PTPRD: variants seen among roughly 807,000 people sequenced by gnomAD.
PTPRD encodes the protein receptor-type tyrosine-protein phosphatase delta.
Under a neutral mutation model 214.5 loss-of-function variants are expected in PTPRD, and 34 were observed. That is an observed-to-expected ratio of 0.16 (90% CI 0.12 to 0.21). PTPRD has a LOEUF of 0.21. PTPRD is among the 10% of genes least tolerant of loss of function. The probability of loss-of-function intolerance (pLI) is 1.00; values close to 1 mark genes in which losing one functional copy is unlikely to be tolerated. For missense variants in PTPRD, 2,545 were observed against 2,398.7 expected, an observed-to-expected ratio of 1.06 and a Z score of -1.27; for synonymous variants, 1,128 against 845.7, an observed-to-expected ratio of 1.33 and a Z score of -5.79.
intron 35 of PTPRD, among the ~76,000 whole-genome samples, chr9:8,405,632 A>G (rs907326749): frequency 1.3e-5 from 2 of 152,174 alleles, no homozygotes; most frequent in Non-Finnish European, 2.9e-5. Flanking sequence ...AACATTTAAG[A>G]TTTATAATTT....
intron 3 of PTPRD, among the ~76,000 whole-genome samples, chr9:10,132,066 AT>A (rs1398238223): frequency 2.0e-5 from 3 of 152,182 alleles, no homozygotes; most frequent in Non-Finnish European, 4.4e-5. Flanking sequence ...TAAATAAAAA[AT>A]ATTGAGGCAA....
chr9:9,100,158 G>A (rs2099789302), intron 10 of PTPRD, among the ~76,000 whole-genome samples: 1 of 152,004 alleles, frequency 6.6e-6, no homozygotes, highest in African/African-American at 2.4e-5. Flanking sequence ...ATCTTTACTT[G>A]AAAGCATGTG....
intron 5 of PTPRD, among the ~76,000 whole-genome samples, chr9:9,842,980 T>C (rs1174960634): frequency 6.6e-6 from 1 of 152,138 alleles, no homozygotes; most frequent in Non-Finnish European, 1.5e-5. Context: ...TAGTCTACAC[T>C]GTAAGGCAGG....
intron 8 of PTPRD, among the ~76,000 whole-genome samples, chr9:9,502,444 T>G (rs2096449717): frequency 6.6e-6 from 1 of 151,908 alleles, no homozygotes; most frequent in Non-Finnish European, 1.5e-5. Context: ...CAGGATTTCC[T>G]TCTGTTTTAA....
chr9:8,424,852 T>C (rs2094562442), intron 35 of PTPRD, among the ~76,000 whole-genome samples: 1 of 152,152 alleles, frequency 6.6e-6, no homozygotes, highest in Admixed American at 6.5e-5. Context: ...TAGCAAGTGA[T>C]ATATAATAAA....
chr9:8,801,605 C>T lies in PTPRD; in HGVS notation c.-103-67659G>A, dbSNP rs557290385. Among the ~76,000 whole-genome samples the T allele has an allele frequency of 2.6e-5, 4 of 152,200 alleles. No homozygotes were observed. The East Asian group carries it at 7.8e-4, about 30-fold the overall frequency. On this transcript the variant is annotated intron_variant, in intron 11 of 45. Transcript: ENST00000381196. ...GTGGCACATGCCTGTAATCCCAGCT[C>T]CTCAGGAGGCTGAGTCAGGAGAATC...
At chr9:10,566,282 T>C (rs747986486) in intron 2 of PTPRD, among the ~76,000 whole-genome samples, 1 of 152,066 alleles carries the variant, frequency 6.6e-6, no homozygotes, top group Non-Finnish European at 1.5e-5. Context: ...TTTAAATTTC[T>C]ATCTAGAATT....
At chr9:9,063,326 T>G (rs2099711131) in intron 10 of PTPRD, among the ~76,000 whole-genome samples, 1 of 152,146 alleles carries the variant, frequency 6.6e-6, no homozygotes, top group Non-Finnish European at 1.5e-5. Context: ...GGTAAAAAAT[T>G]GTTTTTGAAA....
At chr9:9,386,006 G>A (rs2063756424) in intron 9 of PTPRD, among the ~76,000 whole-genome samples, 1 of 152,094 alleles carries the variant, frequency 6.6e-6, no homozygotes, top group South Asian at 2.1e-4. Context: ...GGAGATTTCA[G>A]AAGCCCAGTA....
chr9:8,490,294 C>A (rs1343984397), intron 27 of PTPRD, among the ~76,000 whole-genome samples: 3 of 152,160 alleles, frequency 2.0e-5, no homozygotes, highest in African/African-American at 7.2e-5. Context: ...CTCTTACATT[C>A]TTTTAAAAAT....
intron 2 of PTPRD, among the ~76,000 whole-genome samples, chr9:10,537,740 A>C (rs895948997): frequency 2.0e-5 from 3 of 152,108 alleles, no homozygotes; most frequent in African/African-American, 7.2e-5. Context: ...ATAATGTCTT[A>C]AAATTCTCTC....
At chr9:9,954,979 A>G (rs1038928035) in intron 4 of PTPRD, among the ~76,000 whole-genome samples, 1 of 152,182 alleles carries the variant, frequency 6.6e-6, no homozygotes, top group African/African-American at 2.4e-5. Flanking sequence ...CACTTTATAA[A>G]TAATTGTGCA....
intron 2 of PTPRD, among the ~76,000 whole-genome samples, chr9:10,480,671 T>C (rs1049951067): frequency 3.9e-5 from 6 of 152,022 alleles, no homozygotes; most frequent in Admixed American, 3.9e-4. Context: ...TTTTACAGAT[T>C]ACAGGAATAT....
intron 8 of PTPRD, among the ~76,000 whole-genome samples, chr9:9,565,316 C>T (rs541369954): frequency 8.4e-4 from 127 of 151,850 alleles, no homozygotes; most frequent in African/African-American, 2.9e-3. Flanking sequence ...TTAAAATTAA[C>T]ATTTATAGAC....
chr9:8,811,071 G>C (rs895853501), intron 11 of PTPRD, among the ~76,000 whole-genome samples: 5 of 152,204 alleles, frequency 3.3e-5, no homozygotes, highest in Non-Finnish European at 4.4e-5. Flanking sequence ...ACCACTGTGA[G>C]TGAAATCGAA....
At chr9:8,980,785 A>G (rs1014838107) in intron 11 of PTPRD, among the ~76,000 whole-genome samples, 1 of 152,120 alleles carries the variant, frequency 6.6e-6, no homozygotes, top group Non-Finnish European at 1.5e-5. Flanking sequence ...GCTTATAGCT[A>G]TTTCTCAAAG....
chr9:10,351,052 A>C (rs941576988), intron 2 of PTPRD, among the ~76,000 whole-genome samples: 15 of 152,268 alleles, frequency 9.9e-5, no homozygotes, highest in African/African-American at 3.4e-4. Context: ...GATACACAAA[A>C]GGAGGTTCAC....
chr9:9,655,291 T>C (rs1283691850), intron 7 of PTPRD, among the ~76,000 whole-genome samples: 1 of 152,178 alleles, frequency 6.6e-6, no homozygotes, highest in Non-Finnish European at 1.5e-5. Context: ...TGCTCAAGGC[T>C]GGGTGCCATG....
At chr9:9,207,468 GA>G (rs559577449) in intron 9 of PTPRD, among the ~76,000 whole-genome samples, 4 of 151,534 alleles carry the variant, frequency 2.6e-5, no homozygotes, top group South Asian at 2.1e-4. Flanking sequence ...ACAGTTCAAA[GA>G]AAAAAAAGCC....
Sources: gnomAD v4.1 joint callset for allele counts (sites outside exome capture counted in the v4.1 genomes callset) on GRCh38, gnomAD v4.1.1 for gene constraint, MANE v1.5 for transcripts, NCBI Gene and HGNC (gene_info 2026-07-23, HGNC 2026-07-21) for gene names.